The following HPS5 variants were observed in gnomAD, a reference collection of about 807,000 sequenced individuals.
HPS5 encodes the protein BLOC-2 complex member HPS5.
HPS5 carries 83 observed loss-of-function variants against 128.0 expected under a neutral mutation model. The observed-to-expected ratio is 0.65, with a 90% confidence interval of 0.54 to 0.78. The LOEUF is 0.78. HPS5 is among the 30% of genes least tolerant of loss of function. The pLI, the probability that HPS5 is intolerant of heterozygous loss-of-function variation, is 0.00. For missense variants in HPS5, 1,281 were observed against 1,326.2 expected (o/e 0.97, Z 0.53); for synonymous variants, 475 against 470.2 (o/e 1.01, Z -0.13).
chr11:18,300,972 T>G, intron 8 of HPS5, 56 bp from the exon 9 acceptor site: 1 of 993,004 alleles, frequency 1.0e-6, no homozygotes, highest in Non-Finnish European at 1.6e-6. Context: ...AAGTTTATAA[T>G]TCCCCGAATT....
At position 18,292,956 on chromosome 11, in the gene HPS5, C is replaced by T. The variant is rs142793392; in HGVS notation, c.1805G>A (p.Ser602Asn). 4.9e-5 allele frequency: 79 copies of T among 1,613,740 alleles called. No homozygotes were observed. In the African/African-American group the frequency reaches 5.3e-4, roughly 11 times the overall value. ...GAACCTGTCTTCTTCTGGAGGTGGACTAGTTACCTCTTTTTCCTCCCTAAA... is the reference window on the plus strand; with the variant it reads ...GAACCTGTCTTCTTCTGGAGGTGGATTAGTTACCTCTTTTTCCTCCCTAAA... ...EDTEEEKEVT[S>N]PPPEEDRFQE... The change falls in exon 15 of 23, where the codon AGT (serine) becomes AAT (asparagine). Residue 602 changes from serine to asparagine, a missense_variant. Transcript: ENST00000349215.
intron 2 of HPS5, among the ~76,000 whole-genome samples, chr11:18,316,192 G>T (rs1358835024): frequency 6.6e-6 from 1 of 152,038 alleles, no homozygotes; most frequent in African/African-American, 2.4e-5. Flanking sequence ...CTGCTCAGGA[G>T]GATGAGGCAA....
rs773654334 is a variant in HPS5 at position 18,282,104 on chromosome 11, G to C, written c.3175C>G (p.Pro1059Ala). Reference protein sequence around the residue: ...LNGSLSDGPSPINVENVALLL... With the variant: ...LNGSLSDGPSAINVENVALLL... The stretch of plus-strand genomic sequence containing the variant: ...AGTGCCACATTCTCCACATTGATGG[G>C]GGAAGGCCCATCACTGAGGCTCCCA... Residue 1059 changes from proline (P) to alanine (A), a missense_variant, in exon 22 of 23, where the codon CCC (proline) becomes GCC (alanine). By Grantham distance (27) the Pro-to-Ala change is conservative. Coordinates refer to ENST00000349215, the MANE Select transcript of HPS5 (RefSeq NM_181507.2). The C allele has an allele frequency of 6.2e-7, 1 of 1,614,142 alleles. No homozygotes were observed. Among genetic ancestry groups the C allele is most frequent in the South Asian group, 1.1e-5 (1 of 91,074 alleles).
chr11:18,288,055 G>C, intron 16 of HPS5, 42 bp from the exon 17 acceptor site: 1 of 1,607,750 alleles, frequency 6.2e-7, no homozygotes, highest in Non-Finnish European at 8.5e-7. Context: ...TTATCTCTTA[G>C]GCGGAAATAT....
Position 18,310,848 on chromosome 11 carries a change from G to A in HPS5, c.370C>T (p.Arg124Ter), listed in dbSNP as rs577034676. 3.1e-5 allele frequency: 50 copies of A among 1,613,232 alleles called. No individual in the cohort carries two copies. Among genetic ancestry groups the A allele is most frequent in the East Asian group, 4.5e-5 (2 of 44,814 alleles). The change falls in exon 5 of 23, where the codon CGA (arginine) becomes TGA (stop). Residue 124 changes from arginine (R) to a stop codon, truncating the protein, a stop_gained. Transcript: ENST00000349215. LOFTEE classifies it high-confidence loss of function. Reference protein sequence around the residue: ...QMYVSSEHKGRRVTALCWDTA... With the variant: ...QMYVSSEHKG ...TCCCAGCAGAGAGCTGTGACTCTTC[G>A]GCCTTTGTGTTCTGAAGACACATAC...
At chr11:18,317,325 G>T (rs928575177) in intron 2 of HPS5, among the ~76,000 whole-genome samples, 2 of 148,560 alleles carry the variant, frequency 1.3e-5, no homozygotes, top group African/African-American at 5.0e-5. Context: ...GCATGACCTC[G>T]ACTCACTGCA....
intron 2 of HPS5, among the ~76,000 whole-genome samples, chr11:18,313,162 T>C (rs929972261): frequency 1.3e-5 from 2 of 152,068 alleles, no homozygotes; most frequent in Non-Finnish European, 2.9e-5. Context: ...AACTCAGAGA[T>C]TGAAGGAAGT....
chr11:18,311,331 G>A, intron 4 of HPS5, 56 bp downstream of exon 4: 2 of 1,225,458 alleles, frequency 1.6e-6, no homozygotes, highest in South Asian at 2.4e-5. Context: ...ACAAACACAT[G>A]TGTCAATTTA....
rs1451691858 is a variant in HPS5 at position 18,303,838 on chromosome 11, A to G, written c.896+1584T>C. 2.0e-5 allele frequency among the ~76,000 whole-genome samples: 3 copies of G among 150,744 alleles called. No individual in the cohort carries two copies. In the East Asian group the frequency reaches 5.9e-4, roughly 29 times the overall value. ...CACTGCACTCCAATGTGGGTGACAGAGCAAGACTCCGTCTCTAAAAAAAAA... is the reference window on the plus strand; with the variant it reads ...CACTGCACTCCAATGTGGGTGACAGGGCAAGACTCCGTCTCTAAAAAAAAA... On this transcript the variant is annotated intron_variant, in intron 8 of 22. Transcript: ENST00000349215.
chr11:18,319,719 G>GAA (rs1864084885), intron 1 of HPS5, among the ~76,000 whole-genome samples: 1 of 152,136 alleles, frequency 6.6e-6, no homozygotes, highest in African/African-American at 2.4e-5. Flanking sequence ...TTAGATGCTA[G>GAA]AAAACAAAGA....
rs139112919 is a variant in HPS5, at chr11:18,306,313, C to A, written c.646G>T (p.Asp216Tyr). Residue 216 changes from aspartate (D) to tyrosine (Y), a missense_variant, in exon 7 of 23, where the codon GAT becomes TAT. Coordinates refer to ENST00000349215, the MANE Select transcript of HPS5 (RefSeq NM_181507.2). ...KFWKIGNKERDGEYGACFFPG... is the reference protein window; with the variant it reads ...KFWKIGNKERYGEYGACFFPG... ...AAGAAACAAGCTCCATATTCTCCAT[C>A]TCTTTCCTTGTTTCCAATTTTCCAA... is the stretch of plus-strand genomic sequence containing the variant. The A allele has an allele frequency of 6.2e-7, 1 of 1,613,980 alleles. No individual in the cohort carries two copies. The highest frequency in any genetic ancestry group is 1.3e-5 in the African/African-American group (1 of 74,930).
chr11:18,319,063 C>T (rs1269357287), intron 1 of HPS5, among the ~76,000 whole-genome samples: 1 of 151,820 alleles, frequency 6.6e-6, no homozygotes, highest in East Asian at 1.9e-4. Flanking sequence ...AAGAAAAAAC[C>T]CAGAAAGAAA....
In HPS5 at chr11:18,297,568, A is replaced by C; in HGVS notation, c.1314T>G (p.Ile438Met). The C allele has an allele frequency of 6.2e-7, 1 of 1,613,706 alleles. No individual in the cohort carries two copies. The highest frequency in any genetic ancestry group is 8.5e-7 in the Non-Finnish European group (1 of 1,179,780). The change falls in exon 11 of 23, where the codon ATT becomes ATG. Residue 438 changes from isoleucine to methionine, a missense_variant. Transcript: ENST00000349215. ...DSACSSRRSSISSHESFSILD... is the reference protein window; with the variant it reads ...DSACSSRRSSMSSHESFSILD... ...AGGTGAGAATACTTACATGTGATGA[A>C]ATGGAGCTTCTTCTACTGCTACAAG...
intron 8 of HPS5, among the ~76,000 whole-genome samples, chr11:18,304,852 AG>A (rs1376019780): frequency 6.6e-6 from 1 of 152,244 alleles, no homozygotes; most frequent in Non-Finnish European, 1.5e-5. Flanking sequence ...AAGAATTGGC[AG>A]GTCCAGCAGT....
At chr11:18,296,397 C>A (rs1382059481) in intron 12 of HPS5, 2 of 542,012 alleles carry the variant, frequency 3.7e-6, no homozygotes, top group Non-Finnish European at 6.5e-6. Context: ...TCTCTTCTCA[C>A]TAGTTCAGCC....
rs1426551773 is a variant in HPS5, at chr11:18,298,990, G to C, written c.986-20C>G. ...GAATATCTACGAAAACCACAGGTGT[G>C]AACATACAAAATGTTAACCAAATAC... is the stretch of plus-strand genomic sequence containing the variant. On this transcript the variant is annotated intron_variant, in intron 9 of 22. Coordinates refer to ENST00000349215, the MANE Select transcript of HPS5 (RefSeq NM_181507.2). The C allele has an allele frequency of 1.9e-6, 3 of 1,611,564 alleles. No homozygotes were observed. Among genetic ancestry groups the C allele is most frequent in the Non-Finnish European group, 1.7e-6 (2 of 1,177,812 alleles).
chr11:18,285,810 A>G (rs889940063), intron 19 of HPS5, among the ~76,000 whole-genome samples: 1 of 152,256 alleles, frequency 6.6e-6, no homozygotes, highest in African/African-American at 2.4e-5. Context: ...CTGGGAGGAA[A>G]CGCAAGCAAT....
chr11:18,278,921 T>A lies in HPS5; in HGVS notation c.*961A>T, dbSNP rs558799380. 2.0e-5 allele frequency: 3 copies of A among 152,614 alleles called. No individual in the cohort carries two copies. In the South Asian group the frequency reaches 6.2e-4, roughly 32 times the overall value. The allele number at this position is 152,614 out of a possible 1,614,324, so 9.5% of individuals were successfully genotyped here. On this transcript the variant is annotated 3_prime_UTR_variant, in exon 23 of 23. Transcript: ENST00000349215. ...TGTTATGGCTTCTTAGAAATAATTT[T>A]AAAAAGTGCATGATTCTTGTGGGCT... is the stretch of plus-strand genomic sequence containing the variant.
intron 13 of HPS5, among the ~76,000 whole-genome samples, chr11:18,295,728 CGTG>C (rs1860979317): frequency 6.6e-6 from 1 of 152,146 alleles, no homozygotes; most frequent in Admixed American, 6.6e-5. Flanking sequence ...ACTAATGATA[CGTG>C]GAAACTATTA....
Sources: gnomAD v4.1 joint callset for allele counts (sites outside exome capture counted in the v4.1 genomes callset) on GRCh38, gnomAD v4.1.1 for gene constraint, MANE v1.5 for transcripts, NCBI Gene and HGNC (gene_info 2026-07-23, HGNC 2026-07-21) for gene names.